Variants in GPATCH2 observed in about 807,000 individuals in gnomAD.
GPATCH2 encodes G-patch domain containing 2, also known as G patch domain-containing protein 2.
Under a neutral mutation model 58.0 loss-of-function variants are expected in GPATCH2, and 51 were observed. That is an observed-to-expected ratio of 0.88 (90% confidence interval 0.70 to 1.11). The LOEUF (loss-of-function observed/expected upper bound fraction) is 1.11, where lower values mean the gene tolerates loss of function less well. GPATCH2 is among the 50% of genes most tolerant of loss of function. The pLI is 0.00. For synonymous variants in GPATCH2, 222 were observed against 218.5 expected (o/e 1.02, Z -0.14); for missense variants, 625 against 652.2 (o/e 0.96, Z 0.45).
chr1:217,522,942 T>C (rs1663545473), intron 5 of GPATCH2, among the ~76,000 whole-genome samples: 1 of 151,772 alleles, frequency 6.6e-6, no homozygotes, highest in South Asian at 2.1e-4. Context: ...TTGAAAGAAT[T>C]TGTAACTTTA....
At chr1:217,525,738 C>T (rs1276124592) in intron 5 of GPATCH2, among the ~76,000 whole-genome samples, 1 of 151,882 alleles carries the variant, frequency 6.6e-6, no homozygotes, top group Non-Finnish European at 1.5e-5. Context: ...CAGAAGAGGT[C>T]AGAGGGCAAT....
rs191856170 is a variant in GPATCH2 at position 217,510,946 on chromosome 1, A to G, written c.1166+3876T>C. On this transcript the variant is annotated intron_variant, in intron 6 of 9. Coordinates refer to ENST00000366935, the MANE Select transcript of GPATCH2 (RefSeq NM_018040.5). ...TGTATCCACTAAAAAAATACAAAAA[A>G]AATTATCTGGGCGTGGTGGCGCACG... Among the ~76,000 whole-genome samples, 706 of 151,960 alleles carry G rather than the reference A, an allele frequency of 4.6e-3. 5 individuals carry two copies. The highest frequency in any genetic ancestry group is 6.4e-3 in the Non-Finnish European group (433 of 67,948).
intron 8 of GPATCH2, among the ~76,000 whole-genome samples, chr1:217,459,742 GATATTCCTA>G (rs934782530): frequency 7.9e-5 from 12 of 152,162 alleles, no homozygotes; most frequent in African/African-American, 2.9e-4. Flanking sequence ...AAAATTATGA[GATATTCCTA>G]ATATTCCTAA....
intron 5 of GPATCH2, among the ~76,000 whole-genome samples, chr1:217,582,890 T>C (rs1407227511): frequency 6.6e-6 from 1 of 152,142 alleles, no homozygotes; most frequent in Non-Finnish European, 1.5e-5. Flanking sequence ...ATTGCAGAGT[T>C]TACACTACAA....
intron 5 of GPATCH2, among the ~76,000 whole-genome samples, chr1:217,600,695 T>C (rs1385167816): frequency 6.6e-6 from 1 of 152,124 alleles, no homozygotes; most frequent in African/African-American, 2.4e-5. Context: ...TAATGGGGAC[T>C]ATGGCAATGT....
intron 7 of GPATCH2, among the ~76,000 whole-genome samples, chr1:217,494,510 G>T (rs1404387588): frequency 6.6e-6 from 1 of 152,162 alleles, no homozygotes; most frequent in Non-Finnish European, 1.5e-5. Flanking sequence ...AGGCCATGGC[G>T]GGCGGATCAC....
chr1:217,498,289 T>C (rs1662109924), intron 7 of GPATCH2, 67 bp downstream of exon 7: 2 of 1,183,068 alleles, frequency 1.7e-6, no homozygotes, highest in Admixed American at 1.7e-5. Flanking sequence ...TCTACTCTCC[T>C]GAAGGGAGAC....
intron 5 of GPATCH2, among the ~76,000 whole-genome samples, chr1:217,588,708 A>G (rs1040585568): frequency 6.6e-6 from 1 of 152,182 alleles, no homozygotes; most frequent in African/African-American, 2.4e-5. Flanking sequence ...AAACCAATGT[A>G]TTTAACAACT....
intron 6 of GPATCH2, 95 bp from the exon 7 acceptor site, chr1:217,498,490 C>A (rs1486281066): frequency 1.3e-5 from 11 of 855,512 alleles, no homozygotes; most frequent in Non-Finnish European, 1.8e-5. Flanking sequence ...AATTTGTCAC[C>A]AGCAACACAG....
At chr1:217,447,072 A>G (rs1659425762) in intron 9 of GPATCH2, among the ~76,000 whole-genome samples, 2 of 152,334 alleles carry the variant, frequency 1.3e-5, no homozygotes, top group African/African-American at 4.8e-5. Flanking sequence ...TTCAGGGACC[A>G]TTCAACTGGA....
chr1:217,438,741 T>C (rs1658979170), intron 9 of GPATCH2, among the ~76,000 whole-genome samples: 1 of 152,120 alleles, frequency 6.6e-6, no homozygotes, highest in Non-Finnish European at 1.5e-5. Context: ...CTACGGTTGA[T>C]AGGTGTATCT....
chr1:217,583,429 G>A (rs1667168848), intron 5 of GPATCH2, among the ~76,000 whole-genome samples: 1 of 151,780 alleles, frequency 6.6e-6, no homozygotes, highest in African/African-American at 2.4e-5. Flanking sequence ...AATTAGCCGG[G>A]TGGTGGTGGC....
chr1:217,560,138 C>T (rs942008670), intron 5 of GPATCH2, among the ~76,000 whole-genome samples: 4 of 152,158 alleles, frequency 2.6e-5, no homozygotes, highest in South Asian at 2.1e-4. Context: ...CCACCATGCC[C>T]GGCCAGAATG....
intron 5 of GPATCH2, among the ~76,000 whole-genome samples, chr1:217,557,136 G>A (rs1048387687): frequency 5.9e-5 from 9 of 152,156 alleles, no homozygotes; most frequent in Non-Finnish European, 1.0e-4. Flanking sequence ...GCCGGGTGCG[G>A]TGGTTCACGC....
chr1:217,427,044 C>A lies in GPATCH2; in HGVS notation c.*4101G>T, dbSNP rs987662607. ...CAACATAGTGAAATGCCTCTTACAG[C>A]AAACAAAACTCAACACTTCAATGCA... On this transcript the variant is annotated 3_prime_UTR_variant, in exon 10 of 10. Coordinates refer to ENST00000366935, the MANE Select transcript of GPATCH2 (RefSeq NM_018040.5). 1 of 151,894 alleles carries A rather than the reference C, an allele frequency of 6.6e-6. No homozygotes were observed. Among genetic ancestry groups the A allele is most frequent in the African/African-American group, 2.4e-5 (1 of 41,392 alleles). The allele number at this position is 151,894 out of a possible 1,614,324, so 9.4% of individuals were successfully genotyped here.
intron 8 of GPATCH2, among the ~76,000 whole-genome samples, chr1:217,458,371 ATTTC>A (rs1660051553): frequency 6.6e-6 from 1 of 152,156 alleles, no homozygotes; most frequent in Non-Finnish European, 1.5e-5. Context: ...TCAGTTAAAT[ATTTC>A]TTTTGTACTG....
intron 5 of GPATCH2, among the ~76,000 whole-genome samples, chr1:217,544,937 G>A (rs1664956228): frequency 6.6e-6 from 1 of 152,104 alleles, no homozygotes; most frequent in Non-Finnish European, 1.5e-5. Context: ...CTCTCCATCT[G>A]TATATTCTGG....
chr1:217,523,024 T>TA (rs989977591), intron 5 of GPATCH2, among the ~76,000 whole-genome samples: 6 of 151,796 alleles, frequency 4.0e-5, no homozygotes, highest in African/African-American at 1.2e-4. Context: ...CCAAAGCAAT[T>TA]AAAAAAATTT....
Position 217,523,037 on chromosome 1 carries a change from A to G in GPATCH2, c.1099-8148T>C, listed in dbSNP as rs138780672. On this transcript the variant is annotated intron_variant, in intron 5 of 9. Transcript: ENST00000366935. ...ATCCAAAGCAATTAAAAAAATTTCT[A>G]TATTATTGCTCCTATGTTTGGGTGG... is the stretch of plus-strand genomic sequence containing the variant. Among the ~76,000 whole-genome samples, 80 of 151,966 alleles carry G rather than the reference A, an allele frequency of 5.3e-4. 1 individual carries two copies. In the East Asian group the frequency reaches 0.014, roughly 27 times the overall value.
Sources: allele counts gnomAD v4.1 joint callset (sites outside exome capture counted in the v4.1 genomes callset), GRCh38; gene constraint gnomAD v4.1.1; transcripts MANE v1.5; gene names NCBI Gene and HGNC (gene_info 2026-07-23, HGNC 2026-07-21).